MYO3A: variants seen among roughly 807,000 people sequenced by gnomAD.
MYO3A encodes the protein myosin-IIIa.
MYO3A carries 180 observed loss-of-function variants against 192.7 expected under a neutral mutation model. The observed-to-expected ratio is 0.93, with a 90% confidence interval of 0.83 to 1.06. The LOEUF (loss-of-function observed/expected upper bound fraction) is 1.06. Among genes scored for constraint, MYO3A ranks in the 50% least tolerant of loss-of-function variants. MYO3A has a pLI of 0.00. For synonymous variants in MYO3A, 628 were observed against 645.3 expected, an observed-to-expected ratio of 0.97 and a Z score of 0.41; for missense variants, 1,896 against 1,905.0, an observed-to-expected ratio of 1.00 and a Z score of 0.09.
chr10:26,023,985 A>G (rs1564469856), intron 8 of MYO3A, 37 bp from the exon 9 acceptor site: 1 of 1,571,324 alleles, frequency 6.4e-7, no homozygotes, highest in East Asian at 2.2e-5. Context: ...CTGACTGACC[A>G]ATATACAGAA....
chr10:26,116,476 A>G (rs960758136), intron 17 of MYO3A, among the ~76,000 whole-genome samples: 3 of 152,166 alleles, frequency 2.0e-5, no homozygotes, highest in African/African-American at 7.2e-5. Context: ...TACATTTGCA[A>G]TGAGCCTATT....
chr10:26,029,954 G>A (rs1006252077), intron 10 of MYO3A, among the ~76,000 whole-genome samples: 2 of 151,766 alleles, frequency 1.3e-5, no homozygotes, highest in Non-Finnish European at 2.9e-5. Context: ...GATTCCCCAG[G>A]GCCCATTGTG....
chr10:26,195,298 T>A (rs1240021666), intron 32 of MYO3A, among the ~76,000 whole-genome samples: 3 of 152,188 alleles, frequency 2.0e-5, no homozygotes, highest in African/African-American at 7.2e-5. Flanking sequence ...AATCCAAATA[T>A]CTCTTGAGTT....
At chr10:26,124,805 T>C (rs188193784) in intron 18 of MYO3A, among the ~76,000 whole-genome samples, 5 of 152,332 alleles carry the variant, frequency 3.3e-5, no homozygotes, top group Admixed American at 2.0e-4. Flanking sequence ...TAAATGTTTG[T>C]TCAAACATCC....
At chr10:26,060,345 G>A (rs541545512) in intron 10 of MYO3A, among the ~76,000 whole-genome samples, 1 of 152,122 alleles carries the variant, frequency 6.6e-6, no homozygotes, top group African/African-American at 2.4e-5. Flanking sequence ...GCGGGTGCCT[G>A]TAATCCCAGT....
rs749551065 is a variant in MYO3A, at chr10:25,952,187, C to T, written c.77C>T (p.Thr26Ile). The change falls in exon 3 of 35, where the codon ACA (threonine) becomes ATA (isoleucine). Residue 26 changes from threonine (T) to isoleucine (I), a missense_variant. By Grantham distance (89) the Thr-to-Ile change is moderately conservative. Transcript: ENST00000642920. ...TCTGATACATGGGAAATCACTGAGA[C>T]AATTGGCAAAGGAACTTATGGGAAA... ...DPSDTWEITE[T>I]IGKGTYGKVF... The T allele has an allele frequency of 1.2e-6, 2 of 1,612,116 alleles. No individual in the cohort carries two copies. Among genetic ancestry groups the T allele is most frequent in the Non-Finnish European group, 1.7e-6 (2 of 1,178,782 alleles).
At chr10:25,943,002 T>G (rs1348546315) in intron 2 of MYO3A, among the ~76,000 whole-genome samples, 2 of 151,936 alleles carry the variant, frequency 1.3e-5, no homozygotes, top group Admixed American at 1.3e-4. Flanking sequence ...TGGTGTCATA[T>G]CCGAGAAATC....
intron 14 of MYO3A, among the ~76,000 whole-genome samples, chr10:26,081,133 T>TCCCCCCCAC (rs1835905949): frequency 1.2e-5 from 1 of 84,940 alleles, no homozygotes; most frequent in Non-Finnish European, 2.5e-5. Flanking sequence ...TATATGCCCT[T>TCCCCCCCAC]CCCCCCCCCC....
chr10:25,981,067 C>CA (rs2130795356), intron 4 of MYO3A, among the ~76,000 whole-genome samples: 1 of 152,198 alleles, frequency 6.6e-6, no homozygotes, highest in Admixed American at 6.5e-5. Context: ...TTGCCTTTTC[C>CA]AGAGTGTTAT....
chr10:26,209,394 C>G (rs546799450), intron 34 of MYO3A, among the ~76,000 whole-genome samples: 5 of 152,316 alleles, frequency 3.3e-5, no homozygotes, highest in African/African-American at 1.2e-4. Flanking sequence ...CCCAATCCCC[C>G]CCTACAACCA....
rs59621862 is a variant in MYO3A at position 26,043,149 on chromosome 10, GTCTCTCTCTCTC to G, written c.953+16643_953+16654del. On this transcript the variant is annotated intron_variant, in intron 10 of 34. Transcript: ENST00000642920. ...CTTCCTGTACTTTCTGCCAAACAGA[GTCTCTCTCTCTC>G]TCTCTCTCTCTCTCTCTCTCTCTCT... Among the ~76,000 whole-genome samples the G allele has an allele frequency of 3.7e-3, 532 of 143,376 alleles. 3 individuals carry two copies. Among genetic ancestry groups the G allele is most frequent in the South Asian group, 0.011 (46 of 4,300 alleles). 94.1% of individuals were successfully genotyped at this position (143,376 alleles called of 152,430 possible). A position where few individuals can be genotyped will look rare whatever the true frequency, so the allele number is the denominator to read the frequency against.
intron 17 of MYO3A, among the ~76,000 whole-genome samples, chr10:26,115,929 G>A (rs1234546187): frequency 2.0e-5 from 3 of 152,118 alleles, no homozygotes; most frequent in African/African-American, 4.8e-5. Flanking sequence ...AGTCATAAGT[G>A]TAATATCAAA....
At chr10:26,166,040 C>CT (rs1440469154) in intron 26 of MYO3A, 27 bp from the exon 27 acceptor site, 1 of 1,588,210 alleles carries the variant, frequency 6.3e-7, no homozygotes, top group Admixed American at 1.7e-5. Context: ...TTATGCAATA[C>CT]TAACCAGCCC....
rs879920488 is a variant in MYO3A at position 26,118,631 on chromosome 10, CT to C, written c.1777-2031del. ...CTGGCAATTAGCACATAAATCAAAG[CT>C]TTTTTTTTTTTTTAATTGTGTCCCA... On this transcript the variant is annotated intron_variant, in intron 17 of 34. Transcript: ENST00000642920. Among the ~76,000 whole-genome samples, 678 of 141,110 alleles carry C rather than the reference CT, an allele frequency of 4.8e-3. 1 individual carries two copies. The highest frequency in any genetic ancestry group is 7.2e-3 in the Middle Eastern group (2 of 276). The allele number at this position is 141,110 out of a possible 152,430, so 92.6% of individuals were successfully genotyped here.
intron 23 of MYO3A, among the ~76,000 whole-genome samples, chr10:26,150,825 T>C (rs1840751958): frequency 6.6e-6 from 1 of 152,154 alleles, no homozygotes; most frequent in Admixed American, 6.5e-5. Flanking sequence ...CGTTTATCTT[T>C]GTTGTTTTCT....
chr10:25,979,567 A>G (rs1388651891), intron 4 of MYO3A, among the ~76,000 whole-genome samples: 1 of 152,098 alleles, frequency 6.6e-6, no homozygotes, highest in Non-Finnish European at 1.5e-5. Flanking sequence ...GTCAACATAT[A>G]TGACAGCAGA....
intron 14 of MYO3A, among the ~76,000 whole-genome samples, chr10:26,072,459 G>T (rs1459260789): frequency 6.6e-6 from 1 of 152,080 alleles, no homozygotes; most frequent in Non-Finnish European, 1.5e-5. Context: ...AAAACTAGGG[G>T]TTTACATAAC....
At chr10:26,070,059 G>T in intron 12 of MYO3A, 52 bp from the exon 13 acceptor site, 1 of 1,300,774 alleles carries the variant, frequency 7.7e-7, no homozygotes, top group South Asian at 1.3e-5. Flanking sequence ...AATAATTCAG[G>T]ACTTAAATAA....
chr10:25,984,412 C>T (rs1839517245), intron 4 of MYO3A, among the ~76,000 whole-genome samples: 2 of 152,132 alleles, frequency 1.3e-5, no homozygotes. Context: ...GGTAAAGGGG[C>T]CAGGTTTTTC....
Sources: gnomAD v4.1 joint callset for allele counts (sites outside exome capture counted in the v4.1 genomes callset) on GRCh38, gnomAD v4.1.1 for gene constraint, MANE v1.5 for transcripts, NCBI Gene and HGNC (gene_info 2026-07-23, HGNC 2026-07-21) for gene names.